PLXNA2: variants seen among roughly 807,000 people sequenced by gnomAD.
The protein encoded by PLXNA2 is plexin A2, also known as plexin-A2.
PLXNA2 carries 91 observed loss-of-function variants against 193.5 expected under a neutral mutation model. That is an observed-to-expected ratio of 0.47 (90% CI 0.40 to 0.56). The LOEUF is 0.56. Among genes scored for constraint, PLXNA2 ranks in the 20% least tolerant of loss-of-function variants. The pLI, the probability that PLXNA2 is intolerant of heterozygous loss-of-function variation, is 0.00. For synonymous variants in PLXNA2, 997 were observed against 1,027.3 expected (o/e 0.97, Z 0.56); for missense variants, 1,995 against 2,503.2 (o/e 0.80, Z 4.33).
At chr1:208,121,316 C>T (rs372789779) in intron 4 of PLXNA2, among the ~76,000 whole-genome samples, 4 of 152,180 alleles carry the variant, frequency 2.6e-5, no homozygotes, top group Non-Finnish European at 4.4e-5. Flanking sequence ...AGATGTGAGG[C>T]GAAATGGTCT....
At chr1:208,092,671 G>T (rs375160859) in intron 9 of PLXNA2, 115 bp downstream of exon 9, 3 of 623,296 alleles carry the variant, frequency 4.8e-6, no homozygotes, top group Admixed American at 3.1e-5. Context: ...CTGGCAAGAC[G>T]GCCAAGATGG....
intron 3 of PLXNA2, among the ~76,000 whole-genome samples, chr1:208,172,037 A>AG (rs1287108082): frequency 6.7e-6 from 1 of 148,474 alleles, no homozygotes; most frequent in Non-Finnish European, 1.5e-5. Flanking sequence ...AAAAAAAAAA[A>AG]AGGCAAAACC....
At chr1:208,098,793 A>G in intron 6 of PLXNA2, 53 bp downstream of exon 6, 1 of 1,583,712 alleles carries the variant, frequency 6.3e-7, no homozygotes, top group Non-Finnish European at 8.6e-7. Flanking sequence ...GCACACCCAC[A>G]CAGGTGCATG....
At chr1:208,123,193 G>C (rs542481691) in intron 4 of PLXNA2, among the ~76,000 whole-genome samples, 159 of 152,284 alleles carry the variant, frequency 1.0e-3, no homozygotes, top group African/African-American at 3.8e-3. Context: ...TTTGTGACTA[G>C]CTTCTAGCAT....
chr1:208,239,091 G>C (rs1671961086), intron 1 of PLXNA2, among the ~76,000 whole-genome samples: 1 of 151,878 alleles, frequency 6.6e-6, no homozygotes, highest in African/African-American at 2.4e-5. Flanking sequence ...ACCAGTTGTA[G>C]TCTCTGGGAA....
rs909405244 is a variant in PLXNA2, at chr1:208,166,618, C to T, written c.1372-24155G>A. Among the ~76,000 whole-genome samples the T allele has an allele frequency of 1.4e-4, 22 of 151,876 alleles. 1 individual carries two copies. The highest frequency in any genetic ancestry group is 5.1e-4 in the African/African-American group (21 of 41,328). On this transcript the variant is annotated intron_variant, in intron 3 of 31. Coordinates refer to ENST00000367033, the MANE Select transcript of PLXNA2 (RefSeq NM_025179.4). ...GCAGTTTGGAAAATGCCTCTGAGTT[C>T]AAAAGAATGAGAGATAAAGTCCATG...
rs1331655397 is a variant in PLXNA2 at position 208,079,360 on chromosome 1, T to G, written c.2486A>C (p.Glu829Ala). 1 of 1,612,818 alleles carries G rather than the reference T, an allele frequency of 6.2e-7. No homozygotes were observed. Among genetic ancestry groups the G allele is most frequent in the African/African-American group, 1.3e-5 (1 of 74,886 alleles). Residue 829 changes from glutamate to alanine, a missense_variant, in exon 12 of 32, where the codon GAG (glutamate) becomes GCG (alanine). Glu to Ala is a moderately radical substitution (Grantham distance 107, BLOSUM62 -1). Coordinates refer to ENST00000367033, the MANE Select transcript of PLXNA2 (RefSeq NM_025179.4). ...RKFECGWCSG[E>A]RRCTLHQHCT... ...GTGCTGGTGGAGGGTGCACCTGCGC[T>G]CGCCGCTGCACCAGCCACACTCAAA...
chr1:208,084,531 T>G lies in PLXNA2; in HGVS notation c.2147A>C (p.Glu716Ala). ...PTEEILIPVG[E>A]VKPITLKARN... ...CGCCTTAAGGGTGATTGGCTTTACC[T>G]CCCCGACTGGAATCAAGATCTCCTC... Residue 716 changes from glutamate to alanine, a missense_variant, in exon 10 of 32, where the codon GAG (glutamate) becomes GCG (alanine). Transcript: ENST00000367033. The G allele has an allele frequency of 6.2e-7, 1 of 1,614,158 alleles. No individual in the cohort carries two copies. Among genetic ancestry groups the G allele is most frequent in the Non-Finnish European group, 8.5e-7 (1 of 1,180,016 alleles).
intron 3 of PLXNA2, among the ~76,000 whole-genome samples, chr1:208,206,976 C>T (rs1670749113): frequency 6.6e-6 from 1 of 151,944 alleles, no homozygotes; most frequent in African/African-American, 2.4e-5. Flanking sequence ...GTTGGTCAGG[C>T]TGGTCTCAAA....
chr1:208,091,152 T>G (rs775119255), intron 9 of PLXNA2, among the ~76,000 whole-genome samples: 1 of 152,230 alleles, frequency 6.6e-6, no homozygotes, highest in Non-Finnish European at 1.5e-5. Context: ...GGTTTCGTCA[T>G]GCTGAGGCAC....
intron 18 of PLXNA2, among the ~76,000 whole-genome samples, 188 bp downstream of exon 18, chr1:208,045,690 T>C (rs759760955): frequency 2.6e-5 from 4 of 152,238 alleles, no homozygotes; most frequent in Non-Finnish European, 5.9e-5. Flanking sequence ...TTAAGAAGCC[T>C]GGGTGCAAGC....
chr1:208,129,974 G>A (rs1209377424), intron 4 of PLXNA2, among the ~76,000 whole-genome samples: 4 of 152,146 alleles, frequency 2.6e-5, no homozygotes, highest in Admixed American at 2.6e-4. Flanking sequence ...TTAAATATTA[G>A]TTGAGGGACA....
intron 3 of PLXNA2, among the ~76,000 whole-genome samples, chr1:208,143,718 C>T (rs542167473): frequency 6.6e-6 from 1 of 152,162 alleles, no homozygotes; most frequent in East Asian, 1.9e-4. Flanking sequence ...TAATTGCTCC[C>T]ACTTTGATGC....
intron 29 of PLXNA2, 149 bp downstream of exon 29, chr1:208,031,441 T>C (rs1297329798): frequency 7.7e-7 from 1 of 1,305,400 alleles, no homozygotes; most frequent in African/African-American, 1.6e-5. Context: ...CTGCAGAGCA[T>C]ATGTGCACTG....
At chr1:208,183,647 AC>A (rs2102551386) in intron 3 of PLXNA2, among the ~76,000 whole-genome samples, 1 of 151,472 alleles carries the variant, frequency 6.6e-6, no homozygotes, top group African/African-American at 2.4e-5. Context: ...GCTGGGCCCC[AC>A]TCCTGCTTAT....
chr1:208,225,148 T>A (rs1572053178), intron 1 of PLXNA2, among the ~76,000 whole-genome samples: 1 of 151,852 alleles, frequency 6.6e-6, no homozygotes. Flanking sequence ...AGAGGCAGGG[T>A]AATGGGGCAC....
Position 208,217,598 on chromosome 1 carries a change from G to A in PLXNA2, c.325C>T (p.Leu109Phe). ...AGCAGCTTGTTGACATTGTTGGTGA[G>A]GGTGAGCACTTCGCTGCAGGGCTGC... ...IVQPCSEVLT[L>F]TNNVNKLLII... The change falls in exon 2 of 32, where the codon CTC becomes TTC. Residue 109 changes from leucine to phenylalanine, a missense_variant. Leu to Phe is a conservative substitution (Grantham distance 22). Transcript: ENST00000367033. The surrounding 1 kb of genome is among the most constrained non-coding windows in gnomAD (Gnocchi z 4.7). 1.9e-6 allele frequency: 3 copies of A among 1,614,230 alleles called. No individual in the cohort carries two copies. The highest frequency in any genetic ancestry group is 2.5e-6 in the Non-Finnish European group (3 of 1,180,046).
At chr1:208,089,619 G>A (rs1666645131) in intron 9 of PLXNA2, among the ~76,000 whole-genome samples, 2 of 152,254 alleles carry the variant, frequency 1.3e-5, no homozygotes, top group African/African-American at 4.8e-5. Context: ...CGGTCCCTGG[G>A]CACACTTTGA....
At chr1:208,144,447 G>A (rs1668547227) in intron 3 of PLXNA2, among the ~76,000 whole-genome samples, 2 of 152,190 alleles carry the variant, frequency 1.3e-5, no homozygotes, top group African/African-American at 4.8e-5. Flanking sequence ...CGATGTACAT[G>A]GGAAACAGAC....
Sources: gnomAD v4.1 joint callset for allele counts (sites outside exome capture counted in the v4.1 genomes callset) on GRCh38, gnomAD v4.1.1 for gene constraint, Gnocchi (gnomAD v3.1) non-coding constraint, MANE v1.5 for transcripts, NCBI Gene and HGNC (gene_info 2026-07-23, HGNC 2026-07-21) for gene names.